CRPPA: variants seen among roughly 807,000 people sequenced by gnomAD.
CRPPA encodes D-ribitol-5-phosphate cytidylyltransferase.
Under a neutral mutation model 52.0 loss-of-function variants are expected in CRPPA, and 43 were observed. The ratio of observed to expected loss-of-function variants is 0.83; its 90% CI spans 0.65 to 1.07. The LOEUF (loss-of-function observed/expected upper bound fraction) is 1.07. CRPPA is among the 50% of genes least tolerant of loss of function. The probability of loss-of-function intolerance (pLI) is 0.00; values close to 1 mark genes in which losing one functional copy is unlikely to be tolerated. For synonymous variants in CRPPA, 250 were observed against 203.5 expected, an observed-to-expected ratio of 1.23 and a Z score of -1.94; for missense variants, 629 against 551.7, an observed-to-expected ratio of 1.14 and a Z score of -1.40.
rs182581775 is a variant in CRPPA, at chr7:16,286,894, T to A, written c.836-8668A>T. 1.3e-3 allele frequency among the ~76,000 whole-genome samples: 193 copies of A among 152,192 alleles called. 2 individuals carry two copies. The highest frequency in any genetic ancestry group is 4.6e-3 in the African/African-American group (193 of 41,540). ...AGGGTTTCAGAAAAAAACAAAGAAA[T>A]CTATATGTAATACAACCCTTGTAAG... On this transcript the variant is annotated intron_variant, in intron 5 of 9. Transcript: ENST00000407010.
intron 3 of CRPPA, among the ~76,000 whole-genome samples, chr7:16,328,848 T>C (rs1409977641): frequency 6.6e-6 from 1 of 152,114 alleles, no homozygotes; most frequent in African/African-American, 2.4e-5. Flanking sequence ...TACTACTGCA[T>C]TTTGAGAGAG....
intron 8 of CRPPA, among the ~76,000 whole-genome samples, chr7:16,217,391 C>T (rs1782359556): frequency 1.3e-5 from 2 of 151,294 alleles, no homozygotes. Flanking sequence ...CACCTCTCCT[C>T]CTCCAAAGGA....
intron 6 of CRPPA, chr7:16,276,976 T>A (rs1002677240): frequency 6.6e-6 from 1 of 152,224 alleles, no homozygotes; most frequent in Non-Finnish European, 1.5e-5. Context: ...TACTATCTAA[T>A]ACTGTCACAC....
intron 1 of CRPPA, among the ~76,000 whole-genome samples, chr7:16,407,253 T>C (rs1429243342): frequency 2.0e-5 from 3 of 152,112 alleles, no homozygotes; most frequent in Non-Finnish European, 4.4e-5. Context: ...GTTGGGATTA[T>C]AGGCATGAGC....
chr7:16,162,590 C>G (rs1780925942), intron 9 of CRPPA, among the ~76,000 whole-genome samples: 1 of 152,152 alleles, frequency 6.6e-6, no homozygotes, highest in African/African-American at 2.4e-5. Context: ...GAGTGTTTTA[C>G]TTCCAATTAT....
intron 3 of CRPPA, among the ~76,000 whole-genome samples, chr7:16,309,603 AT>A (rs1562623170): frequency 6.6e-6 from 1 of 151,802 alleles, no homozygotes; most frequent in Admixed American, 6.6e-5. Context: ...TGGTAGACTA[AT>A]TTTTTTTCTT....
At chr7:16,235,630 A>C (rs1052716006) in intron 8 of CRPPA, among the ~76,000 whole-genome samples, 1 of 152,086 alleles carries the variant, frequency 6.6e-6, no homozygotes, top group African/African-American at 2.4e-5. Flanking sequence ...AATATTTACT[A>C]TCTGTTTCTT....
chr7:16,398,061 G>C (rs559447179), intron 2 of CRPPA, among the ~76,000 whole-genome samples: 1 of 152,242 alleles, frequency 6.6e-6, no homozygotes, highest in Non-Finnish European at 1.5e-5. Flanking sequence ...TGATCGAAAT[G>C]ACCAGGGCAT....
chr7:16,210,003 A>C (rs1355749218), intron 9 of CRPPA, among the ~76,000 whole-genome samples: 1 of 152,138 alleles, frequency 6.6e-6, no homozygotes, highest in Non-Finnish European at 1.5e-5. Context: ...TAATTGCACC[A>C]ATGGGTTTGA....
At chr7:16,371,236 C>T (rs1037327193) in intron 3 of CRPPA, among the ~76,000 whole-genome samples, 3 of 152,134 alleles carry the variant, frequency 2.0e-5, no homozygotes, top group African/African-American at 7.2e-5. Context: ...GGATACCTCC[C>T]TATTGACCTG....
chr7:16,287,112 A>G (rs1784467513), intron 5 of CRPPA, among the ~76,000 whole-genome samples: 2 of 152,300 alleles, frequency 1.3e-5, no homozygotes, highest in Middle Eastern at 3.4e-3. Flanking sequence ...TGATTACAAT[A>G]AAGCAGTATG....
intron 8 of CRPPA, among the ~76,000 whole-genome samples, chr7:16,241,946 C>CTTTTTTTTTTTTT (rs71549979): frequency 7.2e-5 from 4 of 55,376 alleles, no homozygotes; most frequent in African/African-American, 1.3e-4. Flanking sequence ...AAAATCTATT[C>CTTTTTTTTTTTTT]TTTTTTTTTT....
Position 16,406,191 on chromosome 7 carries a change from T to C in CRPPA, c.404A>G (p.Lys135Arg). The change falls in exon 2 of 10, where the codon AAA (lysine) becomes AGA (arginine). Residue 135 changes from lysine (K) to arginine (R), a missense_variant. Lys to Arg is a conservative substitution (Grantham distance 26, BLOSUM62 2). Coordinates refer to ENST00000407010, the MANE Select transcript of CRPPA (RefSeq NM_001101426.4). ...TRHRSIFNGLKALAEDQINSK... is the reference protein window; with the variant it reads ...TRHRSIFNGLRALAEDQINSK... ...GTTGATCTGATCTTCTGCCAGTGCT[T>C]TTAGTCCATTGAAAATTGACCTGTG... 2.5e-6 allele frequency: 4 copies of C among 1,614,012 alleles called. No individual in the cohort carries two copies. The highest frequency in any genetic ancestry group is 3.4e-6 in the Non-Finnish European group (4 of 1,179,886).
intron 3 of CRPPA, among the ~76,000 whole-genome samples, chr7:16,365,790 T>G (rs1341344628): frequency 6.6e-6 from 1 of 152,146 alleles, no homozygotes; most frequent in East Asian, 1.9e-4. Context: ...AATATATTAA[T>G]GTATTAAAGA....
chr7:16,281,002 G>A (rs997792910), intron 5 of CRPPA, among the ~76,000 whole-genome samples: 1 of 152,116 alleles, frequency 6.6e-6, no homozygotes, highest in Non-Finnish European at 1.5e-5. Flanking sequence ...CCTGAGTGAC[G>A]GAGTGAGACT....
chr7:16,316,231 G>A (rs928865513), intron 3 of CRPPA, among the ~76,000 whole-genome samples: 1 of 152,068 alleles, frequency 6.6e-6, no homozygotes, highest in Admixed American at 6.6e-5. Context: ...AGCCAGGTAG[G>A]AGGGGTTAAG....
intron 9 of CRPPA, among the ~76,000 whole-genome samples, chr7:16,126,785 A>G (rs1782589288): frequency 6.6e-6 from 1 of 152,166 alleles, no homozygotes; most frequent in Non-Finnish European, 1.5e-5. Flanking sequence ...CAGATGACAG[A>G]TACAAGAGTT....
chr7:16,135,730 T>C (rs961423576), intron 9 of CRPPA, among the ~76,000 whole-genome samples: 1 of 152,190 alleles, frequency 6.6e-6, no homozygotes, highest in Non-Finnish European at 1.5e-5. Context: ...CACAAATTAT[T>C]GACTACTTCT....
intron 6 of CRPPA, among the ~76,000 whole-genome samples, chr7:16,273,092 T>G (rs1334556553): frequency 6.6e-6 from 1 of 150,630 alleles, no homozygotes; most frequent in Non-Finnish European, 1.5e-5. Flanking sequence ...ATTAGGTATA[T>G]CTCCTAATGC....
Sources: gnomAD v4.1 joint callset for allele counts (sites outside exome capture counted in the v4.1 genomes callset) on GRCh38, gnomAD v4.1.1 for gene constraint, MANE v1.5 for transcripts, NCBI Gene and HGNC (gene_info 2026-07-23, HGNC 2026-07-21) for gene names.